Variants in ALK observed in about 807,000 individuals in gnomAD.
The protein encoded by ALK is ALK receptor tyrosine kinase, also known as ALK tyrosine kinase receptor.
Under a neutral mutation model 163.1 loss-of-function variants are expected in ALK, and 74 were observed. The ratio of observed to expected loss-of-function variants is 0.45; its 90% CI spans 0.38 to 0.55. The LOEUF (loss-of-function observed/expected upper bound fraction) is 0.55. Ranked by LOEUF, ALK falls within the 20% of genes least tolerant of loss-of-function variation. The probability of loss-of-function intolerance (pLI) is 0.00; values close to 1 mark genes in which losing one functional copy is unlikely to be tolerated. For missense variants in ALK, 2,063 were observed against 2,105.3 expected, an observed-to-expected ratio of 0.98 and a Z score of 0.39; for synonymous variants, 960 against 843.2, an observed-to-expected ratio of 1.14 and a Z score of -2.40.
At chr2:29,611,687 C>T (rs1161349672) in intron 3 of ALK, among the ~76,000 whole-genome samples, 1 of 152,108 alleles carries the variant, frequency 6.6e-6, no homozygotes, top group African/African-American at 2.4e-5. Flanking sequence ...GGGCTTCCTT[C>T]CCCCTTGCTG....
At chr2:29,343,077 G>T (rs1667843973) in intron 5 of ALK, among the ~76,000 whole-genome samples, 1 of 151,022 alleles carries the variant, frequency 6.6e-6, no homozygotes, top group South Asian at 2.1e-4. Flanking sequence ...TAGTAGAGAT[G>T]GGGTTTCACC....
chr2:29,738,190 A>G (rs1384569115), intron 1 of ALK, among the ~76,000 whole-genome samples: 1 of 151,946 alleles, frequency 6.6e-6, no homozygotes, highest in Non-Finnish European at 1.5e-5. Context: ...TTGAACTGTA[A>G]CTAGGTGCTG....
chr2:29,759,941 C>T (rs1380384936), intron 1 of ALK, among the ~76,000 whole-genome samples: 1 of 152,178 alleles, frequency 6.6e-6, no homozygotes, highest in Admixed American at 6.5e-5. Flanking sequence ...ACACTGGGAA[C>T]AGCTGTTATC....
intron 1 of ALK, among the ~76,000 whole-genome samples, chr2:29,910,744 T>C (rs1400377674): frequency 2.0e-5 from 3 of 152,110 alleles, no homozygotes; most frequent in Non-Finnish European, 2.9e-5. Context: ...CCAGTGAAAA[T>C]CTTTTTCTGA....
At chr2:29,582,753 G>A (rs1674745671) in intron 3 of ALK, among the ~76,000 whole-genome samples, 1 of 152,110 alleles carries the variant, frequency 6.6e-6, no homozygotes, top group South Asian at 2.1e-4. Context: ...ATAAAATACA[G>A]ATGCAGAGAA....
intron 5 of ALK, among the ~76,000 whole-genome samples, chr2:29,361,925 T>G (rs1218007038): frequency 6.6e-6 from 1 of 152,188 alleles, no homozygotes; most frequent in Non-Finnish European, 1.5e-5. Context: ...AGCCCATCCT[T>G]TTTCATCACT....
chr2:29,858,601 C>G (rs6717320), intron 1 of ALK, among the ~76,000 whole-genome samples: 118,427 of 151,736 alleles, frequency 0.78, 46,446 homozygotes, highest in Non-Finnish European at 0.82. Flanking sequence ...AAATTAGCCG[C>G]TCGTGGTGGC....
chr2:29,611,098 C>T (rs891589439), intron 3 of ALK, among the ~76,000 whole-genome samples: 1 of 152,112 alleles, frequency 6.6e-6, no homozygotes, highest in African/African-American at 2.4e-5. Context: ...GAATGTTGCC[C>T]ATCAGACCAA....
intron 5 of ALK, among the ~76,000 whole-genome samples, chr2:29,336,483 C>G (rs1176574362): frequency 6.6e-6 from 1 of 152,206 alleles, no homozygotes; most frequent in African/African-American, 2.4e-5. Context: ...TTTGTTTGCC[C>G]ATTTATCTCC....
chr2:29,569,096 T>C (rs1026391144), intron 3 of ALK, among the ~76,000 whole-genome samples: 7 of 152,248 alleles, frequency 4.6e-5, no homozygotes, highest in South Asian at 2.1e-4. Flanking sequence ...ACATGCCACA[T>C]TGCCCCACCA....
intron 5 of ALK, among the ~76,000 whole-genome samples, chr2:29,348,951 C>T (rs575683172): frequency 5.3e-5 from 8 of 152,326 alleles, no homozygotes; most frequent in Admixed American, 6.5e-5. Context: ...CTACTTGCTC[C>T]GTAAGATTGG....
At chr2:29,375,637 A>G (rs1158105692) in intron 5 of ALK, among the ~76,000 whole-genome samples, 1 of 152,014 alleles carries the variant, frequency 6.6e-6, no homozygotes, top group Non-Finnish European at 1.5e-5. Context: ...TTAAATGACA[A>G]AAAAACCCCA....
intron 11 of ALK, among the ~76,000 whole-genome samples, chr2:29,272,606 C>T (rs1437841052): frequency 6.6e-6 from 1 of 152,198 alleles, no homozygotes; most frequent in East Asian, 1.9e-4. Context: ...TTCTAGTTCT[C>T]TAAAGCCTGC....
chr2:29,739,557 C>CAAA (rs111281224), intron 1 of ALK, among the ~76,000 whole-genome samples: 1 of 71,858 alleles, frequency 1.4e-5, no homozygotes. Context: ...GAATCTGTCT[C>CAAA]AAAAAAAAAA....
At chr2:29,237,327 T>A (rs1295305467) in intron 13 of ALK, among the ~76,000 whole-genome samples, 5 of 152,228 alleles carry the variant, frequency 3.3e-5, no homozygotes, top group Non-Finnish European at 5.9e-5. Flanking sequence ...GTGAGCTTTT[T>A]AACACACATA....
chr2:29,273,209 C>T (rs917060713), intron 11 of ALK, among the ~76,000 whole-genome samples: 1 of 152,246 alleles, frequency 6.6e-6, no homozygotes, highest in Non-Finnish European at 1.5e-5. Context: ...TCAGCCCTGT[C>T]CCTGTTGTAA....
rs2148151906 is a variant in ALK at position 29,207,165 on chromosome 2, A to T, written c.3938+6T>A. ...AGGGATACCTGGAGGATGATGGCTG[A>T]CTTACCATGTGTCTGTTTTAGAAGT... On this transcript the variant is annotated splice_donor_region_variant and intron_variant, in intron 26 of 28. Coordinates refer to ENST00000389048, the MANE Select transcript of ALK (RefSeq NM_004304.5). 6.2e-7 allele frequency: 1 copy of T among 1,610,452 alleles called. No homozygotes were observed. Among genetic ancestry groups the T allele is most frequent in the Non-Finnish European group, 8.5e-7 (1 of 1,176,720 alleles).
At chr2:29,310,472 G>A (rs1271331538) in intron 8 of ALK, among the ~76,000 whole-genome samples, 1 of 152,148 alleles carries the variant, frequency 6.6e-6, no homozygotes, top group African/African-American at 2.4e-5. Flanking sequence ...CAAAGAGCTA[G>A]GGTGTTCGAA....
At chr2:29,559,187 G>A (rs1308607607) in intron 3 of ALK, among the ~76,000 whole-genome samples, 3 of 152,158 alleles carry the variant, frequency 2.0e-5, no homozygotes, top group Non-Finnish European at 4.4e-5. Flanking sequence ...GCCCCCAACT[G>A]AGCTTTAACG....
Sources: gnomAD v4.1 joint callset for allele counts (sites outside exome capture counted in the v4.1 genomes callset) on GRCh38, gnomAD v4.1.1 for gene constraint, MANE v1.5 for transcripts, NCBI Gene and HGNC (gene_info 2026-07-23, HGNC 2026-07-21) for gene names.